Variants in TTC23L observed in about 807,000 individuals in gnomAD.
TTC23L encodes tetratricopeptide repeat domain 23 like.
Under a neutral mutation model 48.1 loss-of-function variants are expected in TTC23L, and 42 were observed. The observed-to-expected ratio is 0.87, with a 90% CI of 0.68 to 1.13. TTC23L has a LOEUF of 1.13. Among genes scored for constraint, TTC23L ranks in the 50% most tolerant of loss-of-function variants. The pLI, the probability that TTC23L is intolerant of heterozygous loss-of-function variation, is 0.00. For synonymous variants in TTC23L, 159 were observed against 157.2 expected (o/e 1.01, Z -0.09); for missense variants, 391 against 421.0 (o/e 0.93, Z 0.62).
rs111386490 is a variant in TTC23L at position 34,840,246 on chromosome 5, G to C, written c.-7-419G>C. Among the ~76,000 whole-genome samples the C allele has an allele frequency of 1.7e-4, 24 of 142,488 alleles. 4 individuals carry two copies. Among genetic ancestry groups the C allele is most frequent in the Non-Finnish European group, 3.5e-4 (23 of 65,090 alleles). 93.5% of individuals were successfully genotyped at this position (142,488 alleles called of 152,430 possible). Reference sequence around the variant, plus strand: ...ATTAGTGAAATGACCCCGGGGGGGGGGGGGAAAGCAGAATTAACCAATACA... The same window carrying C: ...ATTAGTGAAATGACCCCGGGGGGGGCGGGGAAAGCAGAATTAACCAATACA... On this transcript the variant is annotated intron_variant, in intron 1 of 10. Coordinates refer to ENST00000505624, the Ensembl canonical transcript of TTC23L.
At chr5:34,915,080 C>T in the TTC23L span, 1 of 599,240 alleles carries the variant, frequency 1.7e-6, no homozygotes, top group Non-Finnish European at 3.0e-6. Context: ...CCGAACCCCA[C>T]CTATGTCACT....
At chr5:34,854,890 A>C (rs748947349) in intron 4 of TTC23L, among the ~76,000 whole-genome samples, 1 of 152,244 alleles carries the variant, frequency 6.6e-6, no homozygotes, top group Admixed American at 6.5e-5. Context: ...AGTGTAAGGT[A>C]AATGCCATGT....
the TTC23L span, chr5:34,911,462 T>C: frequency 6.9e-7 from 1 of 1,450,408 alleles, no homozygotes; most frequent in Non-Finnish European, 9.3e-7. Flanking sequence ...TCTAAAAATG[T>C]GGATAATAAA....
At chr5:34,870,151 A>G (rs1472578347) in intron 8 of TTC23L, among the ~76,000 whole-genome samples, 1 of 151,918 alleles carries the variant, frequency 6.6e-6, no homozygotes, top group South Asian at 2.1e-4. Context: ...AACTTTAAAA[A>G]TATAGATTTT....
intron 8 of TTC23L, among the ~76,000 whole-genome samples, chr5:34,871,751 T>C (rs967199850): frequency 6.6e-6 from 1 of 152,194 alleles, no homozygotes; most frequent in Non-Finnish European, 1.5e-5. Flanking sequence ...CTAACAGAGA[T>C]AGAGTTATTG....
At chr5:34,866,825 G>A (rs894585533) in intron 6 of TTC23L, 67 bp from the exon 7 acceptor site, 1 of 1,425,890 alleles carries the variant, frequency 7.0e-7, no homozygotes, top group Admixed American at 2.5e-5. Context: ...CTTGGAATCA[G>A]TTCCTTTTGT....
At chr5:34,908,954 G>A in the TTC23L span, 22 of 1,594,052 alleles carry the variant, frequency 1.4e-5, no homozygotes, top group Non-Finnish European at 1.7e-5. Flanking sequence ...TGTATCTGTA[G>A]AAGAAAAAAT....
chr5:34,880,380 A>G lies in TTC23L; in HGVS notation c.1077+72A>G, dbSNP rs189111348. ...ATCACAATAGCATTTTTCATCTTAC[A>G]ATTCAGATACTGGAGATCAGATAGG... On this transcript the variant is annotated intron_variant, in intron 9 of 10. Coordinates refer to ENST00000505624, the Ensembl canonical transcript of TTC23L. 5.3e-5 allele frequency: 77 copies of G among 1,459,386 alleles called. No individual in the cohort carries two copies. In the African/African-American group the frequency reaches 9.7e-4, roughly 18 times the overall value. The allele number at this position is 1,459,386 out of a possible 1,614,324, so 90.4% of individuals were successfully genotyped here. A position where few individuals can be genotyped will look rare whatever the true frequency, so the allele number is the denominator to read the frequency against.
At chr5:34,918,496 T>G in the TTC23L span, 9 of 1,389,042 alleles carry the variant, frequency 6.5e-6, no homozygotes, top group Non-Finnish European at 8.8e-6. Flanking sequence ...ATCATATACT[T>G]TAGAAATTTC....
chr5:34,849,793 C>T (rs747231858), intron 3 of TTC23L, among the ~76,000 whole-genome samples: 17 of 152,180 alleles, frequency 1.1e-4, no homozygotes, highest in Non-Finnish European at 1.3e-4. Context: ...TCACTGATCA[C>T]GCTACATATT....
chr5:34,866,065 A>G lies in TTC23L; in HGVS notation c.663-827A>G, dbSNP rs150044421. ...TACCAGAACCAGCTTTGAACTACCC[A>G]TGATCTCATTTTACCTTGCTGTCTC... On this transcript the variant is annotated intron_variant, in intron 6 of 10. Transcript: ENST00000505624. Among the ~76,000 whole-genome samples the G allele has an allele frequency of 3.2e-3, 492 of 152,340 alleles. 4 individuals are homozygous for G. Among genetic ancestry groups the G allele is most frequent in the African/African-American group, 0.011 (467 of 41,576 alleles).
intron 3 of TTC23L, among the ~76,000 whole-genome samples, chr5:34,848,558 A>G (rs540219021): frequency 4.6e-5 from 7 of 152,310 alleles, no homozygotes; most frequent in African/African-American, 1.7e-4. Flanking sequence ...AAAGTAAAAT[A>G]GGTAATGGGA....
the TTC23L span, chr5:34,915,303 G>C: frequency 2.4e-3 from 653 of 273,418 alleles, 4 homozygotes; most frequent in African/African-American, 0.014. Context: ...TGGCGGGGCG[G>C]GCCCGGAGTG....
rs151141937 is a variant in TTC23L at position 34,890,830 on chromosome 5, T to G, written c.1078-5940T>G. ...CTGTGTTGCCCGGGCTGGTCCAAAC[T>G]TCTGTGGCCGGTCTTCTTGCTTCTG... On this transcript the variant is annotated intron_variant, in intron 9 of 10. Coordinates refer to ENST00000505624, the Ensembl canonical transcript of TTC23L. Among the ~76,000 whole-genome samples the G allele has an allele frequency of 5.8e-3, 886 of 152,210 alleles. 9 individuals carry two copies. Among genetic ancestry groups the G allele is most frequent in the African/African-American group, 0.02 (844 of 41,526 alleles).
chr5:34,923,375 G>A, the TTC23L span: 1 of 647,552 alleles, frequency 1.5e-6, no homozygotes, highest in South Asian at 1.9e-5. Flanking sequence ...CACCTCCCGG[G>A]TTCAAGCTTC....
chr5:34,876,203 T>C (rs1444910485), intron 8 of TTC23L, among the ~76,000 whole-genome samples: 1 of 152,084 alleles, frequency 6.6e-6, no homozygotes, highest in African/African-American at 2.4e-5. Context: ...AGTTTCTATC[T>C]TAGGAAGCTA....
intron 4 of TTC23L, chr5:34,860,785 A>C (rs367710089): frequency 8.5e-5 from 13 of 152,230 alleles, no homozygotes; most frequent in African/African-American, 2.9e-4. Flanking sequence ...TTCCCCCTAC[A>C]TCTTCTCGAA....
At position 34,892,269 on chromosome 5, in the gene TTC23L, C is replaced by T. The variant is rs1027749706; in HGVS notation, c.1078-4501C>T. On this transcript the variant is annotated intron_variant, in intron 9 of 10. Coordinates refer to ENST00000505624, the Ensembl canonical transcript of TTC23L. ...CACTGGACTTTCATTGCTAGGAGCC[C>T]GAATTCTTGGCTTTTGAAGCCTCTG... Among the ~76,000 whole-genome samples, 17 of 152,100 alleles carry T rather than the reference C, an allele frequency of 1.1e-4. No individual in the cohort carries two copies. In the East Asian group the frequency reaches 1.7e-3, roughly 16 times the overall value.
At chr5:34,918,305 A>C in the TTC23L span, 2 of 913,612 alleles carry the variant, frequency 2.2e-6, no homozygotes, top group Non-Finnish European at 3.5e-6. Context: ...ACCCTGTCAC[A>C]AAACAAGATC....
Sources: gnomAD v4.1 joint callset for allele counts (sites outside exome capture counted in the v4.1 genomes callset) on GRCh38, gnomAD v4.1.1 for gene constraint, MANE v1.5 for transcripts, NCBI Gene and HGNC (gene_info 2026-07-23, HGNC 2026-07-21) for gene names.